Variants in NDRG4 observed in about 807,000 individuals in gnomAD.
The protein encoded by NDRG4 is protein NDRG4.
Under a neutral mutation model 55.8 loss-of-function variants are expected in NDRG4, and 38 were observed. The ratio of observed to expected loss-of-function variants is 0.68; its 90% CI spans 0.53 to 0.89. The LOEUF is 0.89. Ranked by LOEUF, NDRG4 falls within the 40% of genes least tolerant of loss-of-function variation. NDRG4 has a pLI of 0.00. For synonymous variants in NDRG4, 190 were observed against 182.7 expected (o/e 1.04, Z -0.32); for missense variants, 455 against 468.6 (o/e 0.97, Z 0.27).
intron 13 of NDRG4, 125 bp from the exon 14 acceptor site, chr16:58,510,520 C>G: frequency 1.2e-6 from 1 of 809,596 alleles, no homozygotes; most frequent in South Asian, 1.6e-5. Flanking sequence ...CCCAGCCTCT[C>G]TGTGCCTGTC....
chr16:58,489,953 T>C (rs2035577216), intron 2 of NDRG4, among the ~76,000 whole-genome samples: 1 of 152,144 alleles, frequency 6.6e-6, no homozygotes, highest in Non-Finnish European at 1.5e-5. Context: ...CAAGTGATCC[T>C]CCTGCCTCAG....
chr16:58,477,114 A>G (rs1463934914), intron 1 of NDRG4, among the ~76,000 whole-genome samples: 4 of 151,184 alleles, frequency 2.6e-5, no homozygotes, highest in Middle Eastern at 3.5e-3. Flanking sequence ...CAGATTCCAT[A>G]TATATGATAT....
At chr16:58,502,283 T>C (rs2037266608) in intron 1 of NDRG4, 5 of 336,382 alleles carry the variant, frequency 1.5e-5, no homozygotes, top group African/African-American at 8.6e-5. Flanking sequence ...CGAGAAAGGA[T>C]AGGCCTGGGA....
At chr16:58,508,095 G>GCTCCCCTGGGCT in intron 10 of NDRG4, 96 bp downstream of exon 10, 4 of 1,233,376 alleles carry the variant, frequency 3.2e-6, no homozygotes, top group Non-Finnish European at 4.5e-6. Context: ...TCCAGCCCAG[G>GCTCCCCTGGGCT]GGAGCCTCCA....
intron 2 of NDRG4, among the ~76,000 whole-genome samples, chr16:58,491,983 T>C (rs2035838626): frequency 6.6e-6 from 1 of 151,888 alleles, no homozygotes; most frequent in Non-Finnish European, 1.5e-5. Flanking sequence ...GATCTTTCTA[T>C]GTTGCCCAGG....
chr16:58,487,956 C>A, intron 2 of NDRG4: 2 of 830,314 alleles, frequency 2.4e-6, no homozygotes, highest in Non-Finnish European at 3.5e-6. Context: ...TAGGGCCAGC[C>A]ACACCGAGAA....
At position 58,482,719 on chromosome 16, in the gene NDRG4, CCCTCCCTCCCTCCCTTCCTT is replaced by C. The variant is rs1469985502; in HGVS notation, c.-23-5025_-23-5006del. 7.7e-5 allele frequency among the ~76,000 whole-genome samples: 8 copies of C among 104,084 alleles called. No individual in the cohort carries two copies. The East Asian group carries it at 2.4e-3, about 31-fold the overall frequency. 68.3% of individuals were successfully genotyped at this position (104,084 alleles called of 152,430 possible). On this transcript the variant is annotated intron_variant, in intron 1 of 15. Coordinates refer to the NDRG4 transcript ENST00000258187. ...TTCCTCCCTCCCTCCTTTCCTTCCTCCCTCCCTCCCTCCCTTCCTTCCTCCCTCCCTTCCTTCTTTCCTTC... is the reference window on the plus strand; with the variant it reads ...TTCCTCCCTCCCTCCTTTCCTTCCTCCCTCCCTCCCTTCCTTCTTTCCTTC...
chr16:58,506,536 G>A (rs775370480), intron 6 of NDRG4, 22 bp from the exon 7 acceptor site: 12 of 1,599,910 alleles, frequency 7.5e-6, no homozygotes, highest in East Asian at 4.5e-5. Context: ...CGGCACTCAC[G>A]CTGGCGCCCT....
intron 1 of NDRG4, among the ~76,000 whole-genome samples, chr16:58,503,178 A>G (rs2037383380): frequency 6.6e-6 from 1 of 152,162 alleles, no homozygotes; most frequent in Admixed American, 6.5e-5. Flanking sequence ...GCTCTGCAGA[A>G]GGCCTCTAGA....
At chr16:58,506,169 T>TGTGTGTG (rs745949486) in intron 5 of NDRG4, 5 of 673,186 alleles carry the variant, frequency 7.4e-6, no homozygotes, top group African/African-American at 7.2e-5. Context: ...TGTGTGTGTG[T>TGTGTGTG]AGGGGTGGAA....
rs117263256 is a variant in NDRG4, at chr16:58,481,475, C to T, written c.-23-6281C>T. ...GTGCGTGCGTGTGTGTGTGCGCGCG[C>T]ATGCAGGGTGGTGGTGTGGTTGGTG... On this transcript the variant is annotated intron_variant, in intron 1 of 15. Coordinates refer to the NDRG4 transcript ENST00000258187. Among the ~76,000 whole-genome samples, 62 of 152,072 alleles carry T rather than the reference C, an allele frequency of 4.1e-4. 1 individual carries two copies. In the East Asian group the frequency reaches 0.011, roughly 26 times the overall value.
At position 58,503,921 on chromosome 16, in the gene NDRG4, T is replaced by G; in HGVS notation, c.127+18T>G. 1 of 1,612,744 alleles carries G rather than the reference T, an allele frequency of 6.2e-7. No homozygotes were observed. Among genetic ancestry groups the G allele is most frequent in the Non-Finnish European group, 8.5e-7 (1 of 1,179,758 alleles). ...CCTCAACCGTAAGTGCAGCCCAGCC[T>G]CAGTCAGCCCTCCTCTGCCTCCCAT... is the stretch of plus-strand genomic sequence containing the variant. On this transcript the variant is annotated intron_variant, in intron 2 of 14. Coordinates refer to ENST00000570248, the MANE Select transcript of NDRG4 (RefSeq NM_001242835.2).
At chr16:58,475,750 A>ATC in intron 1 of NDRG4, 1 of 430,668 alleles carries the variant, frequency 2.3e-6, no homozygotes, top group South Asian at 1.6e-5. Flanking sequence ...CTGCCATCAC[A>ATC]TCTGTATTCC....
upstream of NDRG4, among the ~76,000 whole-genome samples, chr16:58,496,686 C>T (rs889630): frequency 0.65 from 98,977 of 151,906 alleles, 32,465 homozygotes; most frequent in South Asian, 0.77. Flanking sequence ...ACAGGCAGCA[C>T]GGACCTCCCG....
chr16:58,475,986 G>A (rs374740355), intron 1 of NDRG4, among the ~76,000 whole-genome samples: 15 of 152,166 alleles, frequency 9.9e-5, no homozygotes, highest in East Asian at 3.8e-4. Flanking sequence ...TAACAGAGAT[G>A]GGGTTTTGCC....
At chr16:58,500,307 A>C (rs2036911651) in intron 1 of NDRG4, 38 bp downstream of exon 1, 1 of 1,533,870 alleles carries the variant, frequency 6.5e-7, no homozygotes, top group South Asian at 1.2e-5. Flanking sequence ...GTGGGCCGGG[A>C]GGATGGTGCA....
At chr16:58,500,081 G>C (rs928917066), upstream of NDRG4, 1 of 1,493,910 alleles carries the variant, frequency 6.7e-7, no homozygotes, top group Non-Finnish European at 8.9e-7. Context: ...CCTGCGGGGA[G>C]GAGGGGCTAG....
At chr16:58,506,787 C>T in intron 7 of NDRG4, 125 bp from the exon 8 acceptor site, 2 of 1,165,888 alleles carry the variant, frequency 1.7e-6, no homozygotes, top group Non-Finnish European at 2.5e-6. Flanking sequence ...CCTGCCCCCA[C>T]CCTGTCTCCC....
intron 1 of NDRG4, among the ~76,000 whole-genome samples, chr16:58,484,996 C>T (rs1018597794): frequency 1.9e-4 from 29 of 151,790 alleles, no homozygotes; most frequent in African/African-American, 6.8e-4. Context: ...ATTCTCCTGC[C>T]TCAGCCTCCC....
Sources: gnomAD v4.1 joint callset for allele counts (sites outside exome capture counted in the v4.1 genomes callset) on GRCh38, gnomAD v4.1.1 for gene constraint, MANE v1.5 for transcripts, NCBI Gene and HGNC (gene_info 2026-07-23, HGNC 2026-07-21) for gene names.